SLC25A48: variants seen among roughly 807,000 people sequenced by gnomAD.
The protein encoded by SLC25A48 is solute carrier family 25 member 48, also known as CTC-321K16.1.
In SLC25A48, 29 loss-of-function variants were observed where a neutral mutation model predicts 32.2. The ratio of observed to expected loss-of-function variants is 0.90; its 90% CI spans 0.67 to 1.23. The LOEUF (loss-of-function observed/expected upper bound fraction) is 1.23, where lower values mean the gene tolerates loss of function less well. Among genes scored for constraint, SLC25A48 ranks in the 50% most tolerant of loss-of-function variants. The pLI is 0.00. For synonymous variants in SLC25A48, 164 were observed against 172.3 expected, an observed-to-expected ratio of 0.95 and a Z score of 0.38; for missense variants, 399 against 422.7, an observed-to-expected ratio of 0.94 and a Z score of 0.49.
In SLC25A48 at chr5:135,886,087, T is replaced by A. The variant is rs149338682; in HGVS notation, c.*8-1945T>A. On this transcript the variant is annotated intron_variant, in intron 7 of 7. Coordinates refer to ENST00000681962, the MANE Select transcript of SLC25A48 (RefSeq NM_001349336.2). ...TTGATGTTGGTGATTTCTTTGTACA[T>A]CACTATAATGATGGTGATTTGATGA... Among the ~76,000 whole-genome samples the A allele has an allele frequency of 1.1e-3, 169 of 152,326 alleles. 1 individual carries two copies. Among genetic ancestry groups the A allele is most frequent in the Admixed American group, 2.3e-3 (35 of 15,312 alleles).
intron 3 of SLC25A48, among the ~76,000 whole-genome samples, chr5:135,677,146 T>C (rs573412217): frequency 2.0e-5 from 3 of 152,150 alleles, no homozygotes; most frequent in African/African-American, 4.8e-5. Context: ...TAGTGTCGGG[T>C]ACATAAATAT....
At chr5:135,852,865 C>A in intron 4 of SLC25A48, 44 bp downstream of exon 4, 1 of 1,571,152 alleles carries the variant, frequency 6.4e-7, no homozygotes. Context: ...GGACTTGTGG[C>A]CCTTTCCTGG....
Position 135,715,858 on chromosome 5 carries a change from G to C in SLC25A48, c.-521+80902G>C. Among the ~76,000 whole-genome samples the C allele has an allele frequency of 3.3e-5, 5 of 152,288 alleles. No individual in the cohort carries two copies. The Middle Eastern group carries it at 0.017, about 518-fold the overall frequency. ...AAACTGAAGACCTGGCTTGACCAAG[G>C]TGTGGCTTTCTGAGGCTAAAATCAG... On this transcript the variant is annotated intron_variant, in intron 3 of 10. Transcript: ENST00000646290.
chr5:135,815,982 A>C (rs1757707384), intron 4 of SLC25A48, among the ~76,000 whole-genome samples: 1 of 152,270 alleles, frequency 6.6e-6, no homozygotes, highest in Admixed American at 6.5e-5. Context: ...AAAGAGGTTT[A>C]ATTGACTCAC....
intron 3 of SLC25A48, among the ~76,000 whole-genome samples, chr5:135,802,476 C>G (rs1372126481): frequency 6.6e-6 from 1 of 151,480 alleles, no homozygotes; most frequent in Non-Finnish European, 1.5e-5. Flanking sequence ...TGGGTGTACA[C>G]CATATATGTA....
At chr5:135,759,829 CTT>C (rs34301836) in intron 3 of SLC25A48, among the ~76,000 whole-genome samples, 74,551 of 119,124 alleles carry the variant, frequency 0.63, 23,482 homozygotes, top group Middle Eastern at 0.75. Flanking sequence ...TATATATCAT[CTT>C]TTTTTTTTTT....
At chr5:135,633,354 T>C (rs1019153697) in intron 2 of SLC25A48, among the ~76,000 whole-genome samples, 3 of 151,986 alleles carry the variant, frequency 2.0e-5, no homozygotes, top group Admixed American at 2.0e-4. Flanking sequence ...TATTTGGAGA[T>C]AGGGCTTTCA....
intron 7 of SLC25A48, 41 bp downstream of exon 7, chr5:135,880,138 A>G: frequency 6.7e-7 from 1 of 1,495,676 alleles, no homozygotes; most frequent in Non-Finnish European, 8.8e-7. Context: ...CCTCCCAGGA[A>G]CTTGAAACTT....
chr5:135,800,408 T>C (rs528430866), intron 3 of SLC25A48, among the ~76,000 whole-genome samples: 34 of 152,054 alleles, frequency 2.2e-4, no homozygotes, highest in African/African-American at 7.0e-4. Context: ...ATCCAGAAGC[T>C]AAGCAGATGA....
At chr5:135,836,628 C>A (rs1041617879) in intron 1 of SLC25A48, among the ~76,000 whole-genome samples, 1 of 152,146 alleles carries the variant, frequency 6.6e-6, no homozygotes, top group Non-Finnish European at 1.5e-5. Context: ...GAATGCTGTT[C>A]CCTCTCCTTA....
At chr5:135,675,091 A>G (rs183888733) in intron 3 of SLC25A48, among the ~76,000 whole-genome samples, 1 of 151,960 alleles carries the variant, frequency 6.6e-6, no homozygotes, top group Admixed American at 6.5e-5. Context: ...TTTAATTTGT[A>G]TTTCCCTGAT....
chr5:135,799,957 A>T (rs925109635), intron 3 of SLC25A48, among the ~76,000 whole-genome samples: 1 of 151,774 alleles, frequency 6.6e-6, no homozygotes, highest in African/African-American at 2.4e-5. Flanking sequence ...TCTAGATAAG[A>T]AGAGAATATC....
intron 3 of SLC25A48, among the ~76,000 whole-genome samples, chr5:135,663,482 T>C (rs757315208): frequency 6.6e-5 from 10 of 152,346 alleles, no homozygotes; most frequent in Non-Finnish European, 8.8e-5. Context: ...ACAAAAATCA[T>C]ACTCTGGTAA....
chr5:135,755,662 C>T (rs948985482), intron 3 of SLC25A48, among the ~76,000 whole-genome samples: 25 of 151,118 alleles, frequency 1.7e-4, no homozygotes, highest in African/African-American at 4.6e-4. Flanking sequence ...CTAATGACAA[C>T]GAACTATAGT....
chr5:135,651,520 T>C (rs956895236), intron 3 of SLC25A48, among the ~76,000 whole-genome samples: 4 of 152,144 alleles, frequency 2.6e-5, no homozygotes, highest in African/African-American at 9.7e-5. Context: ...GCCATGGCTA[T>C]CCCCTCTCCA....
intron 3 of SLC25A48, among the ~76,000 whole-genome samples, chr5:135,645,505 CAT>C (rs138484436): frequency 0.011 from 1,691 of 152,306 alleles, 38 homozygotes; most frequent in African/African-American, 0.037. Flanking sequence ...AAGCCTGACA[CAT>C]GTGTTGAGTT....
At chr5:135,726,340 A>C (rs59932094) in intron 3 of SLC25A48, among the ~76,000 whole-genome samples, 1,540 of 152,376 alleles carry the variant, frequency 0.01, 35 homozygotes, top group African/African-American at 0.035. Context: ...CAATGGTAAC[A>C]TCTTGCAAAA....
chr5:135,726,361 A>G (rs1309856771), intron 3 of SLC25A48, among the ~76,000 whole-genome samples: 3 of 152,244 alleles, frequency 2.0e-5, no homozygotes, highest in African/African-American at 7.2e-5. Context: ...GTATAGTACA[A>G]TATCACAATC....
chr5:135,605,305 G>C (rs895086023), intron 1 of SLC25A48, among the ~76,000 whole-genome samples: 54 of 152,214 alleles, frequency 3.5e-4, no homozygotes, highest in Non-Finnish European at 7.1e-4. Context: ...GGTTCTAAAT[G>C]ATGAGTACTG....
Sources: gnomAD v4.1 joint callset for allele counts (sites outside exome capture counted in the v4.1 genomes callset) on GRCh38, gnomAD v4.1.1 for gene constraint, MANE v1.5 for transcripts, NCBI Gene and HGNC (gene_info 2026-07-23, HGNC 2026-07-21) for gene names.